FGF14: variants seen among roughly 807,000 people sequenced by gnomAD.
FGF14 encodes the protein fibroblast growth factor 14.
In FGF14, 5 loss-of-function variants were observed where a neutral mutation model predicts 25.5. The ratio of observed to expected loss-of-function variants is 0.20; its 90% CI spans 0.10 to 0.41. The LOEUF is 0.41. Among genes scored for constraint, FGF14 ranks in the 10% least tolerant of loss-of-function variants. The pLI is 1.00. For missense variants in FGF14, 222 were observed against 320.1 expected, an observed-to-expected ratio of 0.69 and a Z score of 2.34; for synonymous variants, 138 against 118.3, an observed-to-expected ratio of 1.17 and a Z score of -1.08.
In FGF14 at chr13:102,232,201, TA is replaced by T. The variant is rs1479500388; in HGVS notation, c.208+169269del. Among the ~76,000 whole-genome samples the T allele has an allele frequency of 5.3e-5, 8 of 152,296 alleles. No homozygotes were observed. The South Asian group carries it at 1.4e-3, about 28-fold the overall frequency. On this transcript the variant is annotated intron_variant, in intron 1 of 4. Coordinates refer to the FGF14 transcript ENST00000376131. ...GAACAAACCTAACTACAGTTAACAT[TA>T]AATGTTTAACATGTTTTTATTTTAG...
chr13:102,398,013 AGTGTGTGTGTGTGTGT>A (rs3067869), intron 1 of FGF14, among the ~76,000 whole-genome samples: 8 of 147,150 alleles, frequency 5.4e-5, no homozygotes, highest in Non-Finnish European at 9.0e-5. Flanking sequence ...GACATTTAAG[AGTGTGTGTGTGTGTGT>A]GTGTGTGTGT....
intron 1 of FGF14, among the ~76,000 whole-genome samples, chr13:102,069,305 G>A (rs1444107612): frequency 6.6e-6 from 1 of 152,042 alleles, no homozygotes; most frequent in African/African-American, 2.4e-5. Context: ...TCTAGCTCAG[G>A]GATTGTAAAC....
At chr13:102,159,469 C>T (rs1452593643) in intron 1 of FGF14, among the ~76,000 whole-genome samples, 1 of 152,120 alleles carries the variant, frequency 6.6e-6, no homozygotes, top group African/African-American at 2.4e-5. Context: ...ACATAGTTCC[C>T]AAAGGAAAAT....
intron 3 of FGF14, among the ~76,000 whole-genome samples, chr13:101,778,558 C>T (rs56653525): frequency 0.037 from 5,674 of 152,174 alleles, 140 homozygotes; most frequent in Middle Eastern, 0.051. Context: ...TTTGCTTTTA[C>T]CTATGCTATG....
At chr13:102,148,466 AAT>A (rs1320743145) in intron 1 of FGF14, among the ~76,000 whole-genome samples, 1 of 152,172 alleles carries the variant, frequency 6.6e-6, no homozygotes, top group Non-Finnish European at 1.5e-5. Context: ...TTGTGTTAGG[AAT>A]AGAGTTTTAA....
intron 3 of FGF14, among the ~76,000 whole-genome samples, chr13:101,767,448 T>C (rs188010047): frequency 6.2e-4 from 95 of 152,264 alleles, no homozygotes; most frequent in Non-Finnish European, 1.1e-3. Context: ...AAAGCTGATA[T>C]GTGGAAGCAA....
At chr13:102,063,654 A>T (rs1195186419) in intron 1 of FGF14, among the ~76,000 whole-genome samples, 1 of 152,122 alleles carries the variant, frequency 6.6e-6, no homozygotes, top group Non-Finnish European at 1.5e-5. Context: ...CATTAACCCA[A>T]TAACATTAAA....
At chr13:102,160,377 C>A (rs1290432598) in intron 1 of FGF14, among the ~76,000 whole-genome samples, 1 of 152,134 alleles carries the variant, frequency 6.6e-6, no homozygotes, top group East Asian at 1.9e-4. Context: ...GTCCACCCCC[C>A]AGAAACAGCA....
intron 3 of FGF14, among the ~76,000 whole-genome samples, chr13:101,728,656 T>TA (rs59650961): frequency 0.36 from 54,809 of 151,660 alleles, 10,180 homozygotes; most frequent in East Asian, 0.51. Flanking sequence ...CACTTGTCTT[T>TA]TTACTGAGAC....
At chr13:102,028,706 G>T (rs1484942694) in intron 1 of FGF14, among the ~76,000 whole-genome samples, 3 of 151,650 alleles carry the variant, frequency 2.0e-5, no homozygotes, top group South Asian at 2.1e-4. Context: ...GGGAATATGG[G>T]GTTTTTTTTG....
chr13:102,069,114 C>G (rs975698720), intron 1 of FGF14, among the ~76,000 whole-genome samples: 5 of 150,778 alleles, frequency 3.3e-5, no homozygotes, highest in African/African-American at 7.4e-5. Context: ...ATACACCAAT[C>G]GGCACTTTGT....
intron 3 of FGF14, among the ~76,000 whole-genome samples, chr13:101,743,488 G>C (rs1440436233): frequency 1.3e-5 from 2 of 152,196 alleles, no homozygotes; most frequent in Non-Finnish European, 2.9e-5. Flanking sequence ...TCAAAACATT[G>C]TTATCTGTGA....
chr13:102,125,518 G>A (rs895230246), intron 1 of FGF14, among the ~76,000 whole-genome samples: 2 of 152,100 alleles, frequency 1.3e-5, no homozygotes, highest in African/African-American at 4.8e-5. Context: ...GAAAGAAAAT[G>A]CTGGTTCATG....
At chr13:101,764,939 C>T (rs1447521874) in intron 3 of FGF14, among the ~76,000 whole-genome samples, 2 of 152,246 alleles carry the variant, frequency 1.3e-5, no homozygotes, top group South Asian at 4.1e-4. Flanking sequence ...GGGTTGAATA[C>T]GAAAATCACT....
At chr13:101,788,965 G>GAGAGAGAT (rs2040073837) in intron 3 of FGF14, among the ~76,000 whole-genome samples, 5 of 80,602 alleles carry the variant, frequency 6.2e-5, no homozygotes, top group Non-Finnish European at 1.4e-4. Flanking sequence ...GAGAGAGAGA[G>GAGAGAGAT]AGAGACAGAG....
intron 1 of FGF14, among the ~76,000 whole-genome samples, chr13:102,303,034 T>A (rs1458581876): frequency 6.6e-6 from 1 of 152,146 alleles, no homozygotes; most frequent in Admixed American, 6.6e-5. Context: ...CAGAAGAACA[T>A]CCTGCTTCTC....
At chr13:102,170,397 T>C (rs1175524261) in intron 1 of FGF14, among the ~76,000 whole-genome samples, 7 of 152,044 alleles carry the variant, frequency 4.6e-5, no homozygotes, top group Admixed American at 3.3e-4. Context: ...CTTCTCCTTC[T>C]TTAATAGCAA....
chr13:102,236,416 G>A lies in FGF14; in HGVS notation c.208+165055C>T, dbSNP rs189730827. On this transcript the variant is annotated intron_variant, in intron 1 of 4. Transcript: ENST00000376131. ...AGACTCAGGAAGACTTTTGCTTGCA[G>A]TAAATAGCCCATCAATGCCTGCTGA... Among the ~76,000 whole-genome samples the A allele has an allele frequency of 1.8e-4, 28 of 151,756 alleles. 1 individual carries two copies. The highest frequency in any genetic ancestry group is 2.6e-4 in the Admixed American group (4 of 15,224).
intron 3 of FGF14, among the ~76,000 whole-genome samples, chr13:101,791,727 T>C (rs1185531264): frequency 2.0e-5 from 3 of 152,162 alleles, no homozygotes; most frequent in Admixed American, 1.3e-4. Flanking sequence ...ATTTTAACTC[T>C]TCTGACCAAC....
Sources: allele counts gnomAD v4.1 joint callset (sites outside exome capture counted in the v4.1 genomes callset), GRCh38; gene constraint gnomAD v4.1.1; transcripts MANE v1.5; gene names NCBI Gene and HGNC (gene_info 2026-07-23, HGNC 2026-07-21).